Variants in HACD1 observed in about 807,000 individuals in gnomAD.
HACD1 encodes the protein very-long-chain (3R)-3-hydroxyacyl-CoA dehydratase 1.
HACD1 carries 41 observed loss-of-function variants against 32.0 expected under a neutral mutation model. That is an observed-to-expected ratio of 1.28 (90% confidence interval 1.00 to 1.66). The LOEUF (loss-of-function observed/expected upper bound fraction) is 1.66. Ranked by LOEUF, HACD1 falls within the 40% of genes most tolerant of loss-of-function variation. HACD1 has a pLI of 0.00. For synonymous variants in HACD1, 142 were observed against 139.0 expected (o/e 1.02, Z -0.15); for missense variants, 396 against 380.1 (o/e 1.04, Z -0.35).
chr10:17,611,903 C>A (rs1297485284), intron 1 of HACD1, among the ~76,000 whole-genome samples: 2 of 151,474 alleles, frequency 1.3e-5, no homozygotes, highest in Non-Finnish European at 2.9e-5. Context: ...GGAGGCGGAG[C>A]TTGCAGTGAG....
chr10:17,614,831 C>T (rs1324282037), intron 1 of HACD1, among the ~76,000 whole-genome samples: 11 of 152,156 alleles, frequency 7.2e-5, no homozygotes, highest in African/African-American at 2.4e-4. Context: ...CGGCTCACTG[C>T]AAGCTCCCTC....
chr10:17,597,273 A>T (rs1834006566), intron 5 of HACD1, among the ~76,000 whole-genome samples: 1 of 152,138 alleles, frequency 6.6e-6, no homozygotes, highest in Admixed American at 6.6e-5. Flanking sequence ...CGGCCTCCCA[A>T]GTAGCTGGGA....
At chr10:17,592,683 A>G (rs1554815675) in intron 6 of HACD1, among the ~76,000 whole-genome samples, 1 of 152,190 alleles carries the variant, frequency 6.6e-6, no homozygotes, top group African/African-American at 2.4e-5. Context: ...TGTAACTGTC[A>G]GACAGACACC....
chr10:17,613,250 G>C (rs988549313), intron 1 of HACD1, among the ~76,000 whole-genome samples: 2 of 151,640 alleles, frequency 1.3e-5, no homozygotes, highest in Non-Finnish European at 2.9e-5. Flanking sequence ...TGGGATTACA[G>C]GTGCATACCA....
intron 2 of HACD1, 91 bp downstream of exon 2, chr10:17,603,839 T>A: frequency 6.8e-7 from 1 of 1,469,714 alleles, no homozygotes; most frequent in Admixed American, 1.8e-5. Flanking sequence ...ATAGGTGGTA[T>A]GTAATCAGCA....
Position 17,597,826 on chromosome 10 carries a change from C to T in HACD1, c.605+1464G>A, listed in dbSNP as rs1834014248. On this transcript the variant is annotated intron_variant, in intron 5 of 6. Coordinates refer to ENST00000361271, the MANE Select transcript of HACD1 (RefSeq NM_014241.4). Reference sequence around the variant, plus strand: ...CAGTAAGATTAAAACCAACCAAATCCATATAAATGGTAGTACAACCTTCTT... The same window carrying T: ...CAGTAAGATTAAAACCAACCAAATCTATATAAATGGTAGTACAACCTTCTT... Among the ~76,000 whole-genome samples, 4 of 152,248 alleles carry T rather than the reference C, an allele frequency of 2.6e-5. No individual in the cohort carries two copies. In the South Asian group the frequency reaches 8.3e-4, roughly 32 times the overall value.
chr10:17,599,485 A>G (rs1834040075), intron 4 of HACD1, 74 bp from the exon 5 acceptor site: 1 of 1,511,782 alleles, frequency 6.6e-7, no homozygotes, highest in Non-Finnish European at 8.8e-7. Flanking sequence ...TACTTTACTT[A>G]TTTATTGCCT....
Position 17,603,947 on chromosome 10 carries a change from T to G in HACD1, c.358A>C (p.Thr120Pro). Residue 120 changes from threonine to proline, a missense_variant, in exon 2 of 7, where the codon ACA (threonine) becomes CCA (proline). Physicochemically the swap from Thr to Pro is conservative, Grantham distance 38. Coordinates refer to ENST00000361271, the MANE Select transcript of HACD1 (RefSeq NM_014241.4). ...SIQKTLKFFQ[T>P]FALLEIVHCL... The stretch of plus-strand genomic sequence containing the variant: ...AAACTTACCTCAAGCAAGGCAAATG[T>G]CTGGAAAAATTTAAGTGTCTTCTGA... The G allele has an allele frequency of 6.2e-7, 1 of 1,608,296 alleles. No individual in the cohort carries two copies. Among genetic ancestry groups the G allele is most frequent in the Non-Finnish European group, 8.5e-7 (1 of 1,175,842 alleles).
In HACD1 at chr10:17,617,068, C is replaced by G. The variant is rs1833098703; in HGVS notation, c.257+15G>C. ...GGCGCGGGGAGGGCCCGAGGGTGCC[C>G]CGCGGCGCGCGTACCCCGCGGTCAT... is the stretch of plus-strand genomic sequence containing the variant. On this transcript the variant is annotated intron_variant, in intron 1 of 6. Transcript: ENST00000361271. The G allele has an allele frequency of 6.8e-7, 1 of 1,470,948 alleles. No individual in the cohort carries two copies. The highest frequency in any genetic ancestry group is 9.0e-7 in the Non-Finnish European group (1 of 1,114,770). The allele number at this position is 1,470,948 out of a possible 1,614,324, so 91.1% of individuals were successfully genotyped here. A position where few individuals can be genotyped will look rare whatever the true frequency, so the allele number is the denominator to read the frequency against.
Position 17,612,928 on chromosome 10 carries a change from A to C in HACD1, c.257+4155T>G, listed in dbSNP as rs868947052. Among the ~76,000 whole-genome samples, 630 of 151,960 alleles carry C rather than the reference A, an allele frequency of 4.1e-3. 4 individuals are homozygous for C. The highest frequency in any genetic ancestry group is 0.014 in the African/African-American group (591 of 41,464). On this transcript the variant is annotated intron_variant, in intron 1 of 6. Coordinates refer to ENST00000361271, the MANE Select transcript of HACD1 (RefSeq NM_014241.4). ...AGAGCAAGACTCCGTCTCAAAAAAA[A>C]AAAAACAAAAACAAAAACAAAAAAA...
rs1833910480 is a variant in HACD1 at position 17,590,152 on chromosome 10, C to T, written c.*212G>A. The T allele has an allele frequency of 3.0e-6, 1 of 329,714 alleles. No individual in the cohort carries two copies. 20.4% of individuals were successfully genotyped at this position (329,714 alleles called of 1,614,324 possible). On this transcript the variant is annotated 3_prime_UTR_variant, in exon 7 of 7. Transcript: ENST00000361271. ...TTATTTTCCTAATAATCAATACCTA[C>T]CCAAAAGTTACTGATATTTGCACAG...
intron 1 of HACD1, among the ~76,000 whole-genome samples, chr10:17,608,375 G>A (rs1834178600): frequency 6.6e-6 from 1 of 152,122 alleles, no homozygotes; most frequent in South Asian, 2.1e-4. Context: ...TCATTGGCTA[G>A]ATCCATTATT....
chr10:17,600,317 C>CTTTA (rs1194928802), intron 4 of HACD1, among the ~76,000 whole-genome samples: 13 of 152,088 alleles, frequency 8.5e-5, no homozygotes, highest in Non-Finnish European at 1.5e-4. Context: ...TGCTCACCAC[C>CTTTA]TTTATTTATT....
chr10:17,605,371 G>A (rs71495275), intron 1 of HACD1, among the ~76,000 whole-genome samples: 2 of 150,778 alleles, frequency 1.3e-5, no homozygotes, highest in East Asian at 2.0e-4. Flanking sequence ...CTAAAAATAC[G>A]AAAATTAGCC....
intron 1 of HACD1, chr10:17,615,995 G>A (rs1437740202): frequency 7.9e-6 from 2 of 253,098 alleles, no homozygotes; most frequent in South Asian, 6.1e-5. Context: ...CTGTCAGGGC[G>A]GGATGGCTCA....
chr10:17,591,975 G>GT (rs1564503517), intron 6 of HACD1, among the ~76,000 whole-genome samples: 1 of 103,796 alleles, frequency 9.6e-6, no homozygotes, highest in Non-Finnish European at 1.9e-5. Flanking sequence ...ACCAGCTACT[G>GT]ATTTTTTTTT....
Position 17,598,301 on chromosome 10 carries a change from CAATT to C in HACD1, c.605+985_605+988del, listed in dbSNP as rs201083540. ...AAAAGAGAAAAAAACCCATAAAACA[CAATT>C]AACAGTGGTTATCCTTGGTTAGAGA... On this transcript the variant is annotated intron_variant, in intron 5 of 6. Transcript: ENST00000361271. Among the ~76,000 whole-genome samples, 525 of 142,730 alleles carry C rather than the reference CAATT, an allele frequency of 3.7e-3. 2 individuals carry two copies. Among genetic ancestry groups the C allele is most frequent in the African/African-American group, 0.012 (453 of 38,120 alleles). The allele number at this position is 142,730 out of a possible 152,430, so 93.6% of individuals were successfully genotyped here.
At chr10:17,612,116 A>C (rs1260523360) in intron 1 of HACD1, among the ~76,000 whole-genome samples, 1 of 151,724 alleles carries the variant, frequency 6.6e-6, no homozygotes, top group Non-Finnish European at 1.5e-5. Flanking sequence ...AAAAAAAAAA[A>C]AAAAAAAAAA....
At chr10:17,595,585 AAGGTCTGGAACACACAGTAGGC>A (rs1833985719) in intron 5 of HACD1, among the ~76,000 whole-genome samples, 1 of 152,140 alleles carries the variant, frequency 6.6e-6, no homozygotes, top group South Asian at 2.1e-4. Context: ...GGTCTGTGGC[AAGGTCTGGAACACACAGTAGGC>A]CAGGCATCCT....
Sources: allele counts gnomAD v4.1 joint callset (sites outside exome capture counted in the v4.1 genomes callset), GRCh38; gene constraint gnomAD v4.1.1; transcripts MANE v1.5; gene names NCBI Gene and HGNC (gene_info 2026-07-23, HGNC 2026-07-21).